Variants in PIK3C2G observed in about 807,000 individuals in gnomAD.
The protein encoded by PIK3C2G is phosphatidylinositol 3-kinase C2 domain-containing subunit gamma.
In PIK3C2G, 168 loss-of-function variants were observed where a neutral mutation model predicts 181.1. The observed-to-expected ratio is 0.93, with a 90% CI of 0.82 to 1.05. The LOEUF is 1.05. PIK3C2G is among the 50% of genes least tolerant of loss of function. The probability of loss-of-function intolerance (pLI) is 0.00; values close to 1 mark genes in which losing one functional copy is unlikely to be tolerated. For missense variants in PIK3C2G, 1,869 were observed against 1,732.8 expected, an observed-to-expected ratio of 1.08 and a Z score of -1.40; for synonymous variants, 573 against 592.2, an observed-to-expected ratio of 0.97 and a Z score of 0.47.
At chr12:18,464,420 G>A (rs964007512) in intron 18 of PIK3C2G, among the ~76,000 whole-genome samples, 2 of 152,094 alleles carry the variant, frequency 1.3e-5, no homozygotes, top group African/African-American at 4.8e-5. Flanking sequence ...GCATTTGGGG[G>A]AAATACAATA....
At chr12:18,683,160 AAAAAG>A in the PIK3C2G span, 1 of 1,249,720 alleles carries the variant, frequency 8.0e-7, no homozygotes, top group East Asian at 2.4e-5. Flanking sequence ...TTTATGTTTA[AAAAAG>A]AAAACATAAA....
At chr12:18,558,983 G>C (rs1945154439) in intron 26 of PIK3C2G, among the ~76,000 whole-genome samples, 1 of 152,044 alleles carries the variant, frequency 6.6e-6, no homozygotes, top group African/African-American at 2.4e-5. Context: ...GCATACAATA[G>C]GAATAAGGAC....
chr12:18,665,748 C>A, the PIK3C2G span, among the ~76,000 whole-genome samples: 502 of 151,976 alleles, frequency 3.3e-3, 3 homozygotes, highest in African/African-American at 0.012. Context: ...CATCCTGGAC[C>A]ACATGGTGAA....
the PIK3C2G span, among the ~76,000 whole-genome samples, chr12:18,658,754 A>G: frequency 0.39 from 59,500 of 151,732 alleles, 11,811 homozygotes; most frequent in East Asian, 0.56. Flanking sequence ...TACATATTCT[A>G]TTTCACAGAG....
chr12:18,294,049 A>G, intron 5 of PIK3C2G, 34 bp downstream of exon 5: 1 of 926,514 alleles, frequency 1.1e-6, no homozygotes. Context: ...TTGTATTATA[A>G]TCTGTAAATA....
intron 25 of PIK3C2G, among the ~76,000 whole-genome samples, chr12:18,542,602 C>T (rs1944218177): frequency 6.6e-6 from 1 of 151,798 alleles, no homozygotes; most frequent in Non-Finnish European, 1.5e-5. Flanking sequence ...TTGTTTCTGT[C>T]TTTGTGTTCA....
intron 30 of PIK3C2G, among the ~76,000 whole-genome samples, chr12:18,601,931 C>A (rs1381968918): frequency 6.6e-6 from 1 of 152,070 alleles, no homozygotes; most frequent in Non-Finnish European, 1.5e-5. Context: ...CCTGGCACCA[C>A]AGGGATCCAT....
chr12:18,689,554 C>G, the PIK3C2G span, among the ~76,000 whole-genome samples: 1 of 152,032 alleles, frequency 6.6e-6, no homozygotes, highest in Non-Finnish European at 1.5e-5. Context: ...ATTGGACACC[C>G]CTGGTTTAGG....
intron 9 of PIK3C2G, 61 bp from the exon 10 acceptor site, chr12:18,343,266 A>G: frequency 1.2e-6 from 1 of 860,360 alleles, no homozygotes; most frequent in East Asian, 2.7e-5. Flanking sequence ...GGACATTACT[A>G]TTTGACTATT....
chr12:18,390,515 A>G (rs1943466864), intron 14 of PIK3C2G, among the ~76,000 whole-genome samples: 1 of 151,932 alleles, frequency 6.6e-6, no homozygotes, highest in African/African-American at 2.4e-5. Flanking sequence ...ACTGAGCCAG[A>G]AAAAAAAGGA....
intron 22 of PIK3C2G, among the ~76,000 whole-genome samples, chr12:18,499,755 G>C (rs1941279762): frequency 6.6e-6 from 1 of 152,158 alleles, no homozygotes; most frequent in African/African-American, 2.4e-5. Context: ...TTGTCTGAAA[G>C]ACACCGCCTC....
the PIK3C2G span, among the ~76,000 whole-genome samples, chr12:18,653,749 T>C: frequency 0.59 from 88,973 of 151,882 alleles, 26,301 homozygotes; most frequent in East Asian, 0.72. Context: ...TATTAGAGTT[T>C]GGAGATTCAA....
chr12:18,287,683 C>G (rs1181550630), intron 3 of PIK3C2G, among the ~76,000 whole-genome samples: 2 of 136,774 alleles, frequency 1.5e-5, no homozygotes, highest in Non-Finnish European at 3.2e-5. Flanking sequence ...TGGTGAGACC[C>G]TGTCTCTACT....
At chr12:18,726,180 T>C in the PIK3C2G span, among the ~76,000 whole-genome samples, 1 of 152,020 alleles carries the variant, frequency 6.6e-6, no homozygotes, top group Non-Finnish European at 1.5e-5. Flanking sequence ...TTAAGGAGGA[T>C]AGGAAAAGAG....
intron 2 of PIK3C2G, among the ~76,000 whole-genome samples, chr12:18,283,628 T>G (rs1436175054): frequency 1.4e-4 from 22 of 152,134 alleles, no homozygotes; most frequent in Admixed American, 1.4e-3. Context: ...AATGGCAACA[T>G]AGTAAAATAA....
At chr12:18,563,323 G>C in intron 27 of PIK3C2G, 54 bp from the exon 28 acceptor site, 1 of 1,536,880 alleles carries the variant, frequency 6.5e-7, no homozygotes, top group Non-Finnish European at 8.8e-7. Context: ...GTTTTAGAGT[G>C]TATCACAGGC....
chr12:18,494,262 G>A (rs1940819425), intron 20 of PIK3C2G, among the ~76,000 whole-genome samples: 1 of 151,828 alleles, frequency 6.6e-6, no homozygotes, highest in Admixed American at 6.6e-5. Flanking sequence ...CCTTGCTTCT[G>A]TCTATTTGCT....
intron 6 of PIK3C2G, chr12:18,319,924 C>T (rs1350601032): frequency 1.3e-5 from 2 of 152,178 alleles, no homozygotes; most frequent in African/African-American, 4.8e-5. Context: ...GTTTCTCAGT[C>T]ATTCTACATA....
chr12:18,481,100 T>G (rs1376205389), intron 18 of PIK3C2G, among the ~76,000 whole-genome samples: 1 of 29,366 alleles, frequency 3.4e-5, no homozygotes, highest in Non-Finnish European at 6.0e-5. Context: ...ATCCAGCTAA[T>G]TTTTTTTGTA....
Sources: gnomAD v4.1 joint callset for allele counts (sites outside exome capture counted in the v4.1 genomes callset) on GRCh38, gnomAD v4.1.1 for gene constraint, MANE v1.5 for transcripts, NCBI Gene and HGNC (gene_info 2026-07-23, HGNC 2026-07-21) for gene names.